The following ACSBG1 variants were observed in gnomAD, a reference collection of about 807,000 sequenced individuals.
ACSBG1 encodes the protein long-chain-fatty-acid--CoA ligase ACSBG1.
Under a neutral mutation model 80.2 loss-of-function variants are expected in ACSBG1, and 39 were observed. That is an observed-to-expected ratio of 0.49 (90% CI 0.38 to 0.64). ACSBG1 has a LOEUF of 0.64. Among genes scored for constraint, ACSBG1 ranks in the 30% least tolerant of loss-of-function variants. The pLI, the probability that ACSBG1 is intolerant of heterozygous loss-of-function variation, is 0.00. For missense variants in ACSBG1, 828 were observed against 966.4 expected, an observed-to-expected ratio of 0.86 and a Z score of 1.90; for synonymous variants, 392 against 379.5, an observed-to-expected ratio of 1.03 and a Z score of -0.38.
intron 1 of ACSBG1, among the ~76,000 whole-genome samples, chr15:78,218,165 G>A (rs1042928617): frequency 9.2e-5 from 14 of 152,006 alleles, no homozygotes; most frequent in African/African-American, 3.1e-4. Context: ...TGGATGGGAC[G>A]GCCTGTAAGT....
rs935843932 is a variant in ACSBG1 at position 78,179,579 on chromosome 15, C to T, written c.1455G>A (p.Met485Ile). The change falls in exon 10 of 14, where the codon ATG becomes ATA. Residue 485 changes from methionine to isoleucine, a missense_variant. By Grantham distance (10) the Met-to-Ile change is conservative. Coordinates refer to ENST00000258873, the MANE Select transcript of ACSBG1 (RefSeq NM_015162.5). ...ACAGCCGGTAGTTGTAGGGACTGGA[C>T]ATGAAGTGGGGGCCTGAGGTCTCAC... is the stretch of plus-strand genomic sequence containing the variant. ...GLSETSGPHF[M>I]SSPYNYRLYS... 1 of 1,614,056 alleles carries T rather than the reference C, an allele frequency of 6.2e-7. No homozygotes were observed.
At chr15:78,233,762 C>A (rs530182155) in intron 1 of ACSBG1, among the ~76,000 whole-genome samples, 2 of 152,338 alleles carry the variant, frequency 1.3e-5, no homozygotes, top group South Asian at 4.1e-4. Flanking sequence ...GGGACTGAGT[C>A]TCATCTTCTC....
intron 1 of ACSBG1, chr15:78,212,781 C>G (rs945948417): frequency 1.2e-5 from 4 of 332,378 alleles, no homozygotes; most frequent in Non-Finnish European, 2.4e-5. Context: ...GGCGAGGGGA[C>G]AGCTGCCCTC....
chr15:78,179,669 C>T lies in ACSBG1; in HGVS notation c.1365G>A (p.Met455Ile). 6.2e-7 allele frequency: 1 copy of T among 1,614,178 alleles called. No homozygotes were observed. Among genetic ancestry groups the T allele is most frequent in the Non-Finnish European group, 8.5e-7 (1 of 1,180,020 alleles). ...CQKNFYGAAP[M>I]MAETQHFFLG... is the part of the protein sequence containing the mutation. ...GGAAGAAGTGCTGTGTCTCTGCCAT[C>T]ATGGGGGCCGCTCCATAGAAGTTCT... The change falls in exon 10 of 14, where the codon ATG becomes ATA. Residue 455 changes from methionine (M) to isoleucine (I), a missense_variant. Met to Ile is a conservative substitution (Grantham distance 10). Around this residue, in one of 3 missense-constraint regions of ACSBG1, gnomAD observed 271 missense variants for 375.9 expected, o/e 0.72. Transcript: ENST00000258873.
intron 1 of ACSBG1, chr15:78,213,559 G>GTGA (rs773323377): frequency 6.5e-6 from 1 of 152,860 alleles, no homozygotes; most frequent in Non-Finnish European, 1.5e-5. Context: ...AGGCAGTGGG[G>GTGA]TTGGGCATGA....
At chr15:78,192,549 C>T (rs2141345798) in intron 5 of ACSBG1, among the ~76,000 whole-genome samples, 1 of 152,346 alleles carries the variant, frequency 6.6e-6, no homozygotes, top group East Asian at 1.9e-4. Flanking sequence ...CCAAGAGGTT[C>T]TGCCTCAAGG....
chr15:78,217,635 C>G (rs1292207591), intron 1 of ACSBG1, among the ~76,000 whole-genome samples: 1 of 150,926 alleles, frequency 6.6e-6, no homozygotes, highest in South Asian at 2.1e-4. Context: ...GGTGCGATCT[C>G]GGCTCACTGC....
chr15:78,182,655 G>A (rs1259441414), intron 6 of ACSBG1, 40 bp from the exon 7 acceptor site: 1 of 1,613,786 alleles, frequency 6.2e-7, no homozygotes, highest in Admixed American at 1.7e-5. Flanking sequence ...TAGGTCAGCT[G>A]GGTGGGCCCA....
intron 1 of ACSBG1, among the ~76,000 whole-genome samples, chr15:78,220,815 A>G (rs1418766525): frequency 6.6e-6 from 1 of 152,222 alleles, no homozygotes; most frequent in Admixed American, 6.5e-5. Context: ...AAATAAGAAC[A>G]GTGTTGGCAA....
At chr15:78,206,079 G>A (rs1270612636) in intron 2 of ACSBG1, among the ~76,000 whole-genome samples, 2 of 152,180 alleles carry the variant, frequency 1.3e-5, no homozygotes, top group African/African-American at 4.8e-5. Context: ...CATGGCCCCC[G>A]AGCCAGGTCT....
Position 78,173,672 on chromosome 15 carries a change from C to A in ACSBG1, c.2010G>T (p.Met670Ile). The A allele has an allele frequency of 6.2e-7, 1 of 1,614,264 alleles. No homozygotes were observed. The highest frequency in any genetic ancestry group is 1.1e-5 in the South Asian group (1 of 91,082). ...TGTGGTAGGGCCGGGCCGCCGCGTT[C>A]ATGTTGACCCTCCGGATCCCCTCTT... ...AIEEGIRRVN[M>I]NAAARPYHIQ... The change falls in exon 13 of 14, where the codon ATG (methionine) becomes ATT (isoleucine). Residue 670 changes from methionine (M) to isoleucine (I), a missense_variant. This residue lies in a region of ACSBG1 where 201 missense variants were observed against 227.0 expected (regional missense o/e 0.89). Transcript: ENST00000258873.
chr15:78,216,396 G>T (rs1434857145), intron 1 of ACSBG1, among the ~76,000 whole-genome samples: 1 of 152,134 alleles, frequency 6.6e-6, no homozygotes, highest in Non-Finnish European at 1.5e-5. Flanking sequence ...AAGGAGTAAA[G>T]GTCTGATTAT....
At chr15:78,199,077 A>G (rs2075142341) in intron 2 of ACSBG1, among the ~76,000 whole-genome samples, 1 of 152,000 alleles carries the variant, frequency 6.6e-6, no homozygotes, top group African/African-American at 2.4e-5. Context: ...AGAGACATGG[A>G]ACAGCGCAAT....
In ACSBG1 at chr15:78,178,584, G is replaced by T; in HGVS notation, c.1702+30C>A. On this transcript the variant is annotated intron_variant, in intron 11 of 13. Transcript: ENST00000258873. The surrounding 1 kb of genome is among the most constrained non-coding windows in gnomAD (Gnocchi z 4.3). ...CCCAAAGTGCTGGGATTACAGGCATGAGCCACCGTGCCTGGCCTGGGGTGC... is the reference window on the plus strand; with the variant it reads ...CCCAAAGTGCTGGGATTACAGGCATTAGCCACCGTGCCTGGCCTGGGGTGC... 1.3e-6 allele frequency: 2 copies of T among 1,578,344 alleles called. No homozygotes were observed. Among genetic ancestry groups the T allele is most frequent in the South Asian group, 1.2e-5 (1 of 85,942 alleles).
rs761502673 is a variant in ACSBG1, at chr15:78,173,876, C to T, written c.1843-37G>A. ...GAGATCAGATGAGGACCAAGCCTTACCCAACAAGACGTAAGCCCTGGTCCT... is the reference window on the plus strand; with the variant it reads ...GAGATCAGATGAGGACCAAGCCTTATCCAACAAGACGTAAGCCCTGGTCCT... On this transcript the variant is annotated intron_variant, in intron 12 of 13. Coordinates refer to ENST00000258873, the MANE Select transcript of ACSBG1 (RefSeq NM_015162.5). 2.1e-5 allele frequency: 33 copies of T among 1,599,072 alleles called. 1 individual carries two copies. In the South Asian group the frequency reaches 3.3e-4, roughly 16 times the overall value.
chr15:78,234,257 G>T, intron 1 of ACSBG1, 114 bp downstream of exon 1: 1 of 1,419,368 alleles, frequency 7.0e-7, no homozygotes, highest in Non-Finnish European at 9.5e-7. Flanking sequence ...TCATTTCCCA[G>T]GTGAAGAAAC....
At position 78,178,295 on chromosome 15, in the gene ACSBG1, G is replaced by A. The variant is rs956653492; in HGVS notation, c.1702+319C>T. On this transcript the variant is annotated intron_variant, in intron 11 of 13. Coordinates refer to ENST00000258873, the MANE Select transcript of ACSBG1 (RefSeq NM_015162.5). The surrounding 1 kb of genome is among the most constrained non-coding windows in gnomAD (Gnocchi z 4.3). The stretch of plus-strand genomic sequence containing the variant: ...CCAGGGCGCTTGCCTTTTTTTGTTT[G>A]TTTGTTTTGGTTTTGTTTTTGGAGA... 7.2e-5 allele frequency among the ~76,000 whole-genome samples: 11 copies of A among 151,986 alleles called. No individual in the cohort carries two copies. Among genetic ancestry groups the A allele is most frequent in the African/African-American group, 2.4e-4 (10 of 41,360 alleles).
chr15:78,176,915 G>A (rs1436575357), intron 11 of ACSBG1, among the ~76,000 whole-genome samples: 2 of 152,056 alleles, frequency 1.3e-5, no homozygotes, highest in Non-Finnish European at 1.5e-5. Context: ...GCAACAAAGC[G>A]AGACCCTGTT....
rs1333152994 is a variant in ACSBG1, at chr15:78,176,453, T to TA, written c.1703-1930dup. Among the ~76,000 whole-genome samples, 17 of 152,108 alleles carry TA rather than the reference T, an allele frequency of 1.1e-4. No homozygotes were observed. In the South Asian group the frequency reaches 2.3e-3, roughly 20 times the overall value. ...AAATGATCCACAAAAGGTCATTTGATACAAAGCCAATATGCAAAAAGCAGT... is the reference window on the plus strand; with the variant it reads ...AAATGATCCACAAAAGGTCATTTGATAACAAAGCCAATATGCAAAAAGCAGT... On this transcript the variant is annotated intron_variant, in intron 11 of 13. Transcript: ENST00000258873.
Sources: allele counts gnomAD v4.1 joint callset (sites outside exome capture counted in the v4.1 genomes callset), GRCh38; gene constraint gnomAD v4.1.1; regional missense constraint gnomAD v4.1.1; non-coding constraint Gnocchi (gnomAD v3.1); transcripts MANE v1.5; gene names NCBI Gene and HGNC (gene_info 2026-07-23, HGNC 2026-07-21).